The following KHDRBS2 variants were observed in gnomAD, a reference collection of about 807,000 sequenced individuals.
KHDRBS2 encodes the protein KH domain-containing, RNA-binding, signal transduction-associated protein 2.
A neutral mutation model predicts 44.3 loss-of-function variants in KHDRBS2; 26 were observed. The observed-to-expected ratio is 0.59, with a 90% confidence interval of 0.43 to 0.81. The LOEUF is 0.81. Ranked by LOEUF, KHDRBS2 falls within the 40% of genes least tolerant of loss-of-function variation. KHDRBS2 has a pLI of 0.00. For synonymous variants in KHDRBS2, 194 were observed against 151.1 expected, an observed-to-expected ratio of 1.28 and a Z score of -2.08; for missense variants, 476 against 433.1, an observed-to-expected ratio of 1.10 and a Z score of -0.88.
At chr6:61,849,307 T>A (rs1304197463) in intron 6 of KHDRBS2, among the ~76,000 whole-genome samples, 1 of 152,128 alleles carries the variant, frequency 6.6e-6, no homozygotes, top group Non-Finnish European at 1.5e-5. Flanking sequence ...CACAGGTTCC[T>A]GTGATATTTG....
chr6:61,702,928 T>C (rs999597372), intron 7 of KHDRBS2, among the ~76,000 whole-genome samples: 6 of 151,826 alleles, frequency 4.0e-5, no homozygotes, highest in African/African-American at 1.4e-4. Flanking sequence ...GCTAACATTA[T>C]ATATCTTGAT....
intron 4 of KHDRBS2, among the ~76,000 whole-genome samples, chr6:61,945,602 A>G (rs1813203925): frequency 1.3e-5 from 2 of 152,040 alleles, no homozygotes. Context: ...TTTCTACTCC[A>G]TTCCCTGAAA....
chr6:61,964,984 G>A (rs550196539), intron 4 of KHDRBS2, among the ~76,000 whole-genome samples: 77 of 152,194 alleles, frequency 5.1e-4, no homozygotes, highest in African/African-American at 1.7e-3. Flanking sequence ...CAGTATACTT[G>A]TATATTCATG....
intron 2 of KHDRBS2, among the ~76,000 whole-genome samples, chr6:62,048,943 T>A (rs1454658238): frequency 6.6e-6 from 1 of 151,752 alleles, no homozygotes; most frequent in Non-Finnish European, 1.5e-5. Flanking sequence ...TCTTTCCTTC[T>A]CTTTTCTTTT....
At chr6:61,898,859 A>T (rs1200066184) in intron 5 of KHDRBS2, among the ~76,000 whole-genome samples, 1 of 151,954 alleles carries the variant, frequency 6.6e-6, no homozygotes, top group Non-Finnish European at 1.5e-5. Context: ...GAGGTGAAAA[A>T]ATTGAGATGA....
At chr6:62,026,026 T>C (rs1783246658) in intron 3 of KHDRBS2, among the ~76,000 whole-genome samples, 1 of 152,108 alleles carries the variant, frequency 6.6e-6, no homozygotes, top group African/African-American at 2.4e-5. Context: ...TTATTATTAG[T>C]ATTCAAATTA....
At chr6:61,691,366 G>T (rs77060651) in intron 8 of KHDRBS2, among the ~76,000 whole-genome samples, 1,561 of 152,012 alleles carry the variant, frequency 0.01, 11 homozygotes, top group Non-Finnish European at 0.016. Context: ...GGCAACCCCT[G>T]AAATAGCAAA....
intron 2 of KHDRBS2, among the ~76,000 whole-genome samples, chr6:62,108,010 T>G (rs1458381258): frequency 6.6e-6 from 1 of 152,062 alleles, no homozygotes; most frequent in Non-Finnish European, 1.5e-5. Context: ...AACGTAGGCA[T>G]TACCATTCAG....
At chr6:61,681,558 T>C (rs1766306038) in intron 8 of KHDRBS2, among the ~76,000 whole-genome samples, 2 of 151,850 alleles carry the variant, frequency 1.3e-5, no homozygotes, top group South Asian at 4.1e-4. Flanking sequence ...TTGAGATCCA[T>C]TGTGTTAAAT....
Position 61,981,125 on chromosome 6 carries a change from A to G in KHDRBS2, c.337-2913T>C, listed in dbSNP as rs1189092885. 2.0e-5 allele frequency among the ~76,000 whole-genome samples: 3 copies of G among 152,192 alleles called. No individual in the cohort carries two copies. In the East Asian group the frequency reaches 5.8e-4, roughly 29 times the overall value. Reference sequence around the variant, plus strand: ...TAAATAAAGAGCACCTTAGATCCACACTGGAGAGTTTCTCTTCTCAATTTG... The same window carrying G: ...TAAATAAAGAGCACCTTAGATCCACGCTGGAGAGTTTCTCTTCTCAATTTG... On this transcript the variant is annotated intron_variant, in intron 3 of 8. Transcript: ENST00000281156.
intron 3 of KHDRBS2, among the ~76,000 whole-genome samples, chr6:62,016,915 T>C (rs2127275666): frequency 6.6e-6 from 1 of 152,224 alleles, no homozygotes. Context: ...ATTTAAATTT[T>C]ACCATTTAAA....
intron 2 of KHDRBS2, among the ~76,000 whole-genome samples, 188 bp downstream of exon 2, chr6:62,176,997 C>CT (rs537327958): frequency 1.4e-3 from 218 of 151,450 alleles, no homozygotes; most frequent in Middle Eastern, 3.4e-3. Flanking sequence ...CTGTAGCCTT[C>CT]AGTTGAAAAT....
intron 2 of KHDRBS2, among the ~76,000 whole-genome samples, chr6:62,141,892 G>T (rs1812895785): frequency 6.6e-6 from 1 of 152,084 alleles, no homozygotes; most frequent in Non-Finnish European, 1.5e-5. Flanking sequence ...TATCTTGTGT[G>T]ATTTTCCTGG....
the KHDRBS2 span, among the ~76,000 whole-genome samples, chr6:61,660,375 C>T: frequency 6.6e-6 from 1 of 151,718 alleles, no homozygotes; most frequent in Non-Finnish European, 1.5e-5. Flanking sequence ...CTCAACTCTT[C>T]CCTAAGGTCT....
At chr6:61,973,042 G>A (rs565049389) in intron 4 of KHDRBS2, among the ~76,000 whole-genome samples, 1 of 152,208 alleles carries the variant, frequency 6.6e-6, no homozygotes, top group East Asian at 1.9e-4. Context: ...GCTAAGGCAG[G>A]AGAATCACTT....
chr6:61,551,552 G>T, the KHDRBS2 span, among the ~76,000 whole-genome samples: 2 of 152,016 alleles, frequency 1.3e-5, no homozygotes, highest in Non-Finnish European at 2.9e-5. Flanking sequence ...ATGGTATAAG[G>T]GTGGGGTCCA....
At chr6:61,886,982 A>C (rs190922020) in intron 6 of KHDRBS2, among the ~76,000 whole-genome samples, 1 of 152,278 alleles carries the variant, frequency 6.6e-6, no homozygotes, top group African/African-American at 2.4e-5. Flanking sequence ...AACACTGGCT[A>C]GTGGTCTAGA....
chr6:61,761,162 ATGTGTG>A (rs1197310067), intron 6 of KHDRBS2, among the ~76,000 whole-genome samples: 1 of 152,170 alleles, frequency 6.6e-6, no homozygotes, highest in South Asian at 2.1e-4. Flanking sequence ...TAAGCTTAAA[ATGTGTG>A]GTCAGTGAAG....
chr6:61,856,693 G>GT (rs1202042112), intron 6 of KHDRBS2, among the ~76,000 whole-genome samples: 2 of 151,916 alleles, frequency 1.3e-5, no homozygotes, highest in African/African-American at 4.8e-5. Context: ...TACTGAGTTG[G>GT]TATGTTGTTT....
Sources: gnomAD v4.1 joint callset for allele counts (sites outside exome capture counted in the v4.1 genomes callset) on GRCh38, gnomAD v4.1.1 for gene constraint, MANE v1.5 for transcripts, NCBI Gene and HGNC (gene_info 2026-07-23, HGNC 2026-07-21) for gene names.